Variants in ALOX15 observed in about 807,000 individuals in gnomAD.
ALOX15 encodes polyunsaturated fatty acid lipoxygenase ALOX15.
In ALOX15, 68 loss-of-function variants were observed where a neutral mutation model predicts 71.7. The observed-to-expected ratio is 0.95, with a 90% CI of 0.78 to 1.16. The LOEUF is 1.16. ALOX15 is among the 50% of genes most tolerant of loss of function. ALOX15 has a pLI of 0.00. For synonymous variants in ALOX15, 346 were observed against 333.3 expected, an observed-to-expected ratio of 1.04 and a Z score of -0.42; for missense variants, 798 against 818.8, an observed-to-expected ratio of 0.97 and a Z score of 0.31.
intron 7 of ALOX15, among the ~76,000 whole-genome samples, chr17:4,636,718 G>C (rs1911113107): frequency 6.6e-6 from 1 of 152,080 alleles, no homozygotes; most frequent in African/African-American, 2.4e-5. Context: ...GCTTAGTCTG[G>C]CTTCTGGTCC....
chr17:4,637,748 T>C (rs8066249), intron 6 of ALOX15, among the ~76,000 whole-genome samples: 64,312 of 151,634 alleles, frequency 0.42, 15,139 homozygotes, highest in South Asian at 0.57. Context: ...GCCTCAATTT[T>C]ACAGAAGAGG....
intron 8 of ALOX15, among the ~76,000 whole-genome samples, chr17:4,633,759 A>G (rs1910997668): frequency 6.6e-6 from 1 of 152,222 alleles, no homozygotes; most frequent in South Asian, 2.1e-4. Flanking sequence ...TACTCACAAT[A>G]GCAAAGATAT....
In ALOX15 at chr17:4,637,173, G is replaced by A. The variant is rs1353638270; in HGVS notation, c.893C>T (p.Ala298Val). 7 of 1,613,818 alleles carry A rather than the reference G, an allele frequency of 4.3e-6. No homozygotes were observed. Among genetic ancestry groups the A allele is most frequent in the African/African-American group, 2.7e-5 (2 of 74,920 alleles). Residue 298 changes from alanine to valine, a missense_variant, in exon 7 of 14, where the codon GCC (alanine) becomes GTC (valine). By Grantham distance (64) the Ala-to-Val change is moderately conservative. Around this residue, in one of 3 missense-constraint regions of ALOX15, gnomAD observed 490 missense variants for 509.4 expected, o/e 0.96. Transcript: ENST00000293761. ...VILCSQQHLAAPLVMLKLQPD... is the reference protein window; with the variant it reads ...VILCSQQHLAVPLVMLKLQPD... ...CTGCAATTTCAGCATGACTAGAGGG[G>A]CAGCCAGGTGCTGCTGGCTACAGAG... is the stretch of plus-strand genomic sequence containing the variant.
Position 4,639,498 on chromosome 17 carries a change from TC to T in ALOX15, c.268del (p.Asp90ThrfsTer17), listed in dbSNP as rs756211298. ...GCGGTAACAAGGGAACCTGACCTCG[TC>T]CCCGGCTCCGGGGCCCTGCACAGAG... ...WISVQGPGAG[D>X]EVRFPCYRWV... On this transcript the variant is annotated frameshift_variant, in exon 2 of 14. Coordinates refer to ENST00000293761, the MANE Select transcript of ALOX15 (RefSeq NM_001140.5). LOFTEE classifies it high-confidence loss of function. 3.1e-6 allele frequency: 5 copies of T among 1,613,926 alleles called. No homozygotes were observed. The highest frequency in any genetic ancestry group is 4.2e-6 in the Non-Finnish European group (5 of 1,180,012).
At position 4,637,222 on chromosome 17, in the gene ALOX15, C is replaced by A; in HGVS notation, c.844G>T (p.Asp282Tyr). 1.2e-6 allele frequency: 2 copies of A among 1,613,720 alleles called. No homozygotes were observed. The highest frequency in any genetic ancestry group is 1.7e-6 in the Non-Finnish European group (2 of 1,179,730). ...TLFEADFSLL[D>Y]GIKANVILCS... Reference sequence around the variant, plus strand: ...AGAATGACGTTGGCCTTGATCCCATCCAGCAGGGAGAAGTCAGCTTCGAAC... The same window carrying A: ...AGAATGACGTTGGCCTTGATCCCATACAGCAGGGAGAAGTCAGCTTCGAAC... The change falls in exon 7 of 14, where the codon GAT (aspartate) becomes TAT (tyrosine). Residue 282 changes from aspartate to tyrosine, a missense_variant. Asp to Tyr is a radical substitution (Grantham distance 160). Transcript: ENST00000293761.
chr17:4,637,337 G>C (rs1359791631), intron 6 of ALOX15, 79 bp from the exon 7 acceptor site: 9 of 1,485,360 alleles, frequency 6.1e-6, no homozygotes, highest in African/African-American at 4.2e-5. Context: ...AGGGGGAAGA[G>C]AGTGGAGCTA....
At chr17:4,635,205 C>T (rs11568117) in intron 8 of ALOX15, among the ~76,000 whole-genome samples, 3,929 of 151,906 alleles carry the variant, frequency 0.026, 179 homozygotes, top group African/African-American at 0.09. Flanking sequence ...CCTAGACAAG[C>T]AGATCATCTG....
At chr17:4,632,085 T>C in intron 12 of ALOX15, 29 bp from the exon 13 acceptor site, 1 of 1,609,796 alleles carries the variant, frequency 6.2e-7, no homozygotes, top group Non-Finnish European at 8.5e-7. Context: ...CCAGAGTCAG[T>C]GCCTACCAAG....
At position 4,637,104 on chromosome 17, in the gene ALOX15, AGTCC is replaced by A. The variant is rs1411956738; in HGVS notation, c.951+7_951+10del. On this transcript the variant is annotated splice_region_variant and intron_variant, in intron 7 of 13. Transcript: ENST00000293761. ...CCAGAGACTGGGAGCAGAAATCCTG[AGTCC>A]TCTCACCTGGATGACCATGGGCAAG... 2.5e-6 allele frequency: 4 copies of A among 1,600,998 alleles called. No individual in the cohort carries two copies. The highest frequency in any genetic ancestry group is 3.4e-6 in the Non-Finnish European group (4 of 1,172,340).
At chr17:4,639,222 G>C in intron 2 of ALOX15, 90 bp from the exon 3 acceptor site, 1 of 1,521,156 alleles carries the variant, frequency 6.6e-7, no homozygotes, top group Non-Finnish European at 9.1e-7. Context: ...CCGTCCTTCT[G>C]TGTGGCCTCT....
rs1010367571 is a variant in ALOX15, at chr17:4,631,374, G to A, written c.*226C>T. The A allele has an allele frequency of 2.5e-5, 14 of 563,232 alleles. No homozygotes were observed. The highest frequency in any genetic ancestry group is 2.2e-4 in the African/African-American group (12 of 53,514). The allele number at this position is 563,232 out of a possible 1,614,324, so 34.9% of individuals were successfully genotyped here. ...GAATGAAGAAAGAGGAAGAGAGAGA[G>A]GAAGGAAGATAGGAAAGGAGGAAGG... On this transcript the variant is annotated 3_prime_UTR_variant, in exon 14 of 14. Transcript: ENST00000293761.
At position 4,632,966 on chromosome 17, in the gene ALOX15, C is replaced by A. The variant is rs941936589; in HGVS notation, c.1435G>T (p.Val479Leu). 3.1e-6 allele frequency: 5 copies of A among 1,614,002 alleles called. No homozygotes were observed. In the African/African-American group the frequency reaches 6.7e-5, roughly 22 times the overall value. The change falls in exon 11 of 14, where the codon GTG becomes TTG. Residue 479 changes from valine (V) to leucine (L), a missense_variant. Transcript: ENST00000293761. ...ACGTCTGTCTTATAGTGGAGACTCA[C>A]GATTCCTTCCACATACCTACCAACC... Reference protein sequence around the residue: ...EIIYRYVEGIVSLHYKTDVAV... With the variant: ...EIIYRYVEGILSLHYKTDVAV...
intron 1 of ALOX15, among the ~76,000 whole-genome samples, chr17:4,640,913 C>T (rs543602605): frequency 2.7e-3 from 403 of 151,524 alleles, no homozygotes; most frequent in African/African-American, 9.5e-3. Flanking sequence ...GGGCATGTTG[C>T]TTTGACGTTC....
chr17:4,639,164 CTT>C (rs1390643735), intron 2 of ALOX15, 32 bp from the exon 3 acceptor site: 51 of 1,612,852 alleles, frequency 3.2e-5, no homozygotes, highest in Non-Finnish European at 4.2e-5. Context: ...TGGCCAGTGA[CTT>C]TTGGTGAGCG....
chr17:4,632,699 C>T (rs1042600803), intron 11 of ALOX15, among the ~76,000 whole-genome samples, 162 bp downstream of exon 11: 2 of 152,064 alleles, frequency 1.3e-5, no homozygotes, highest in East Asian at 3.9e-4. Context: ...GTGTGTAGGA[C>T]GGGGACCTGT....
In ALOX15 at chr17:4,633,149, T is replaced by TA. The variant is rs1216013463; in HGVS notation, c.1414dup (p.Tyr472LeufsTer13). On this transcript the variant is annotated frameshift_variant, in exon 10 of 14. Transcript: ENST00000293761. LOFTEE classifies it high-confidence loss of function. ...CTGGCCTTCCCGCTTGCCTCACCGA[T>TA]AGATGATTTCCCAGAGCCGCAGCGC... 6.2e-7 allele frequency: 1 copy of TA among 1,613,626 alleles called. No homozygotes were observed. The highest frequency in any genetic ancestry group is 8.5e-7 in the Non-Finnish European group (1 of 1,179,784).
At position 4,633,478 on chromosome 17, in the gene ALOX15, T is replaced by C; in HGVS notation, c.1184A>G (p.Tyr395Cys). 2 of 1,614,032 alleles carry C rather than the reference T, an allele frequency of 1.2e-6. No individual in the cohort carries two copies. The highest frequency in any genetic ancestry group is 1.7e-6 in the Non-Finnish European group (2 of 1,179,976). The part of the protein sequence containing the change: ...IFKLIIPHLR[Y>C]TLEINVRART... ...GGCCCGGACGTTAATTTCCAGGGTGTATCGCAGGTGGGGAATTATAAGCTA... is the reference window on the plus strand; with the variant it reads ...GGCCCGGACGTTAATTTCCAGGGTGCATCGCAGGTGGGGAATTATAAGCTA... Residue 395 changes from tyrosine to cysteine, a missense_variant, in exon 9 of 14, where the codon TAC (tyrosine) becomes TGC (cysteine). This residue lies in a region of ALOX15 where 490 missense variants were observed against 509.4 expected (regional missense o/e 0.96). Transcript: ENST00000293761.
At position 4,631,750 on chromosome 17, in the gene ALOX15, A is replaced by G; in HGVS notation, c.1839T>C (p.Tyr613=). 1 of 1,614,056 alleles carries G rather than the reference A, an allele frequency of 6.2e-7. No homozygotes were observed. Among genetic ancestry groups the G allele is most frequent in the Non-Finnish European group, 8.5e-7 (1 of 1,180,016 alleles). Reference sequence around the variant, plus strand: ...CAGCCTTAGGCTCAGGGCCCGAAAAATACTCCTCCTCATGCTGGCCCACAG... The same window carrying G: ...CAGCCTTAGGCTCAGGGCCCGAAAAGTACTCCTCCTCATGCTGGCCCACAG... ...MVAVGQHEEE[Y]FSGPEPKAVL... Residue 613 remains tyrosine, a synonymous_variant, in exon 14 of 14, where the codon TAT becomes TAC. Coordinates refer to ENST00000293761, the MANE Select transcript of ALOX15 (RefSeq NM_001140.5).
Position 4,631,576 on chromosome 17 carries a change from G to C in ALOX15, c.*24C>G. On this transcript the variant is annotated 3_prime_UTR_variant, in exon 14 of 14. Coordinates refer to ENST00000293761, the MANE Select transcript of ALOX15 (RefSeq NM_001140.5). ...GCTTGTGGCTTGGGTGATGGGGGCT[G>C]AAATAACCAAAGGGTGGCGACGCTT... 6.2e-7 allele frequency: 1 copy of C among 1,610,834 alleles called. No homozygotes were observed. Among genetic ancestry groups the C allele is most frequent in the East Asian group, 2.2e-5 (1 of 44,864 alleles).
Sources: gnomAD v4.1 joint callset for allele counts (sites outside exome capture counted in the v4.1 genomes callset) on GRCh38, gnomAD v4.1.1 for gene constraint, gnomAD v4.1.1 regional missense constraint, MANE v1.5 for transcripts, NCBI Gene and HGNC (gene_info 2026-07-23, HGNC 2026-07-21) for gene names.